Variants in PRKN observed in about 807,000 individuals in gnomAD.
The protein encoded by PRKN is parkin RBR E3 ubiquitin protein ligase.
Under a neutral mutation model 59.5 loss-of-function variants are expected in PRKN, and 56 were observed. The ratio of observed to expected loss-of-function variants is 0.94; its 90% CI spans 0.76 to 1.18. PRKN has a LOEUF of 1.18. Among genes scored for constraint, PRKN ranks in the 50% most tolerant of loss-of-function variants. The pLI, the probability that PRKN is intolerant of heterozygous loss-of-function variation, is 0.00. For missense variants in PRKN, 657 were observed against 596.4 expected (o/e 1.10, Z -1.06); for synonymous variants, 250 against 222.1 (o/e 1.13, Z -1.12).
At chr6:162,669,494 A>T (rs1363625276) in intron 1 of PRKN, among the ~76,000 whole-genome samples, 2 of 152,140 alleles carry the variant, frequency 1.3e-5, no homozygotes, top group African/African-American at 4.8e-5. Flanking sequence ...ATATATTTTT[A>T]AAAGCCCTTC....
intron 2 of PRKN, among the ~76,000 whole-genome samples, chr6:162,376,647 T>C (rs1037257947): frequency 2.0e-5 from 3 of 149,320 alleles, no homozygotes; most frequent in African/African-American, 7.4e-5. Context: ...GAATATTAAA[T>C]GTGTAAACAT....
chr6:162,245,653 C>A (rs1380815484), intron 3 of PRKN, among the ~76,000 whole-genome samples: 2 of 152,118 alleles, frequency 1.3e-5, no homozygotes. Flanking sequence ...AGGAATAGTT[C>A]CTGAAGTCAG....
intron 9 of PRKN, among the ~76,000 whole-genome samples, chr6:161,398,009 C>T (rs139303664): frequency 6.6e-6 from 1 of 152,006 alleles, no homozygotes; most frequent in Non-Finnish European, 1.5e-5. Flanking sequence ...AAGACGCTAG[C>T]CAGAGAGGGG....
chr6:161,738,876 T>C (rs1788074515), intron 7 of PRKN, among the ~76,000 whole-genome samples: 1 of 152,214 alleles, frequency 6.6e-6, no homozygotes, highest in African/African-American at 2.4e-5. Context: ...TACACAGGCA[T>C]CTACACTAGA....
At chr6:161,788,134 G>A (rs1790498796) in intron 6 of PRKN, among the ~76,000 whole-genome samples, 1 of 152,182 alleles carries the variant, frequency 6.6e-6, no homozygotes, top group Non-Finnish European at 1.5e-5. Flanking sequence ...TCACATGGAT[G>A]GACAACAGCA....
intron 1 of PRKN, among the ~76,000 whole-genome samples, chr6:162,463,966 A>G (rs1791294474): frequency 6.6e-6 from 1 of 152,234 alleles, no homozygotes; most frequent in East Asian, 1.9e-4. Flanking sequence ...TTTTAAAGAT[A>G]AAAATAAAGC....
chr6:161,905,139 C>G (rs1480796248), intron 6 of PRKN, among the ~76,000 whole-genome samples: 1 of 152,084 alleles, frequency 6.6e-6, no homozygotes, highest in Non-Finnish European at 1.5e-5. Context: ...TTCAACTATA[C>G]CATTATTGTT....
intron 1 of PRKN, among the ~76,000 whole-genome samples, chr6:162,491,939 C>T (rs1399753976): frequency 1.3e-5 from 2 of 152,176 alleles, no homozygotes; most frequent in Admixed American, 6.5e-5. Flanking sequence ...GGACAGTTTG[C>T]TGTGATACCT....
chr6:162,527,431 G>A (rs944648841), intron 1 of PRKN, among the ~76,000 whole-genome samples: 1 of 151,992 alleles, frequency 6.6e-6, no homozygotes, highest in African/African-American at 2.4e-5. Flanking sequence ...TAGTTACAAA[G>A]GTTGAATAAA....
chr6:162,577,987 T>G (rs1033032278), intron 1 of PRKN, among the ~76,000 whole-genome samples: 1 of 152,082 alleles, frequency 6.6e-6, no homozygotes, highest in African/African-American at 2.4e-5. Flanking sequence ...TTGGCAAAAA[T>G]GATTGAAAGG....
At chr6:161,910,200 T>C (rs1198424168) in intron 6 of PRKN, among the ~76,000 whole-genome samples, 1 of 152,200 alleles carries the variant, frequency 6.6e-6, no homozygotes, top group East Asian at 1.9e-4. Flanking sequence ...AGATGGCGTC[T>C]ACTTCTAGGG....
intron 9 of PRKN, among the ~76,000 whole-genome samples, chr6:161,505,015 T>A (rs927532108): frequency 6.6e-5 from 10 of 151,206 alleles, no homozygotes; most frequent in African/African-American, 2.4e-4. Flanking sequence ...AGCAGCATGA[T>A]TTATAGTCCT....
intron 6 of PRKN, among the ~76,000 whole-genome samples, chr6:161,925,203 G>A (rs1778923413): frequency 6.6e-6 from 1 of 152,162 alleles, no homozygotes; most frequent in Admixed American, 6.5e-5. Context: ...AACAATTTAT[G>A]ATGGGCTAAT....
intron 2 of PRKN, among the ~76,000 whole-genome samples, chr6:162,282,074 A>G (rs1780934069): frequency 6.6e-6 from 1 of 151,912 alleles, no homozygotes; most frequent in East Asian, 1.9e-4. Context: ...GCCCATACTC[A>G]CCCCCTGCTG....
intron 1 of PRKN, among the ~76,000 whole-genome samples, chr6:162,621,741 T>C (rs1480079971): frequency 6.6e-6 from 1 of 152,234 alleles, no homozygotes; most frequent in East Asian, 1.9e-4. Flanking sequence ...CTATTCACTA[T>C]TGCCCCTAAC....
intron 1 of PRKN, among the ~76,000 whole-genome samples, chr6:162,591,076 G>A (rs1781286749): frequency 6.6e-6 from 1 of 152,092 alleles, no homozygotes; most frequent in African/African-American, 2.4e-5. Flanking sequence ...CCATCAGGCT[G>A]TGCTCAAGAT....
Position 161,890,811 on chromosome 6 carries a change from A to C in PRKN, c.734+82491T>G, listed in dbSNP as rs143809632. Among the ~76,000 whole-genome samples, 256 of 152,334 alleles carry C rather than the reference A, an allele frequency of 1.7e-3. 2 individuals carry two copies. The highest frequency in any genetic ancestry group is 5.7e-3 in the African/African-American group (237 of 41,570). On this transcript the variant is annotated intron_variant, in intron 6 of 11. Transcript: ENST00000366898. The stretch of plus-strand genomic sequence containing the variant: ...AGTTTTTAAATAGAATTTATTTTCC[A>C]TAGTGTTATTTCACAGCAAACTCTG...
chr6:161,555,468 A>G (rs1424868659), intron 8 of PRKN, among the ~76,000 whole-genome samples: 43 of 152,222 alleles, frequency 2.8e-4, no homozygotes, highest in Non-Finnish European at 8.8e-5. Context: ...ACAAAGAGGT[A>G]GGATTCAGAA....
chr6:161,616,188 C>G (rs1026562814), intron 7 of PRKN, among the ~76,000 whole-genome samples: 3 of 152,182 alleles, frequency 2.0e-5, no homozygotes, highest in Non-Finnish European at 4.4e-5. Context: ...GCTCTGTGTG[C>G]TTCTTTATTT....
Sources: allele counts gnomAD v4.1 joint callset (sites outside exome capture counted in the v4.1 genomes callset), GRCh38; gene constraint gnomAD v4.1.1; transcripts MANE v1.5; gene names NCBI Gene and HGNC (gene_info 2026-07-23, HGNC 2026-07-21).